Variants in DIAPH2 observed in about 807,000 individuals in gnomAD.
DIAPH2 encodes the protein protein diaphanous homolog 2.
A neutral mutation model predicts 92.7 loss-of-function variants in DIAPH2; 35 were observed. That is an observed-to-expected ratio of 0.38 (90% CI 0.29 to 0.50). The LOEUF (loss-of-function observed/expected upper bound fraction) is 0.50, where lower values mean the gene tolerates loss of function less well. Among genes scored for constraint, DIAPH2 ranks in the 20% least tolerant of loss-of-function variants. DIAPH2 has a pLI of 0.94. For missense variants in DIAPH2, 701 were observed against 819.5 expected (o/e 0.86, Z 1.77); for synonymous variants, 301 against 280.4 (o/e 1.07, Z -0.73).
chrX:97,170,815 T>G (rs2067446982), intron 22 of DIAPH2, among the ~76,000 whole-genome samples: 1 of 111,831 alleles, frequency 8.9e-6, no homozygotes, highest in African/African-American at 3.2e-5. Context: ...AAATTCATTT[T>G]CTAAACAAAA....
intron 19 of DIAPH2, among the ~76,000 whole-genome samples, chrX:97,083,152 T>C (rs2066759188): frequency 8.9e-6 from 1 of 112,169 alleles, no homozygotes. Flanking sequence ...TACCTAGTTA[T>C]TAAATCTTTT....
At chrX:97,003,911 T>C (rs2066161827) in intron 17 of DIAPH2, among the ~76,000 whole-genome samples, 1 of 111,990 alleles carries the variant, frequency 8.9e-6, no homozygotes, top group African/African-American at 3.2e-5. Context: ...TTCCCAATTT[T>C]TTCTTGTAGT....
chrX:96,687,798 T>C (rs146156984), intron 1 of DIAPH2, among the ~76,000 whole-genome samples: 1,469 of 111,833 alleles, frequency 0.013, 26 homozygotes, highest in African/African-American at 0.046. Context: ...TTTAATGGAA[T>C]TCACTTCAGT....
intron 26 of DIAPH2, among the ~76,000 whole-genome samples, chrX:97,534,528 A>G (rs372742397): frequency 9.0e-6 from 1 of 111,227 alleles, no homozygotes; most frequent in Admixed American, 9.6e-5. Context: ...TTATATATTT[A>G]GTGAACTGCA....
chrX:97,121,694 T>C (rs1423118949), intron 21 of DIAPH2, among the ~76,000 whole-genome samples: 1 of 112,266 alleles, frequency 8.9e-6, no homozygotes, highest in Non-Finnish European at 1.9e-5. Flanking sequence ...CAAAAATGTG[T>C]TGTTTGCTGT....
chrX:97,217,791 C>T (rs2067895058), intron 22 of DIAPH2, among the ~76,000 whole-genome samples: 1 of 110,106 alleles, frequency 9.1e-6, no homozygotes, highest in South Asian at 4.0e-4. Context: ...ACCAAAAATA[C>T]AAAAATTAGC....
At chrX:97,409,553 G>A (rs760949610) in intron 25 of DIAPH2, among the ~76,000 whole-genome samples, 9 of 111,626 alleles carry the variant, frequency 8.1e-5, no homozygotes, top group East Asian at 5.7e-4. Context: ...AGTGCGAGCC[G>A]AAGCAGGGCA....
Position 97,135,451 on chromosome X carries a change from G to A in DIAPH2, c.2590-6214G>A, listed in dbSNP as rs182833067. On this transcript the variant is annotated intron_variant, in intron 21 of 26. Transcript: ENST00000324765. ...TCAAACTCCTGACCTCAGGTGATCCGCCCCAACTCCTTGACCTCCCAAAGT... is the reference window on the plus strand; with the variant it reads ...TCAAACTCCTGACCTCAGGTGATCCACCCCAACTCCTTGACCTCCCAAAGT... Among the ~76,000 whole-genome samples, 198 of 110,915 alleles carry A rather than the reference G, an allele frequency of 1.8e-3. 1 individual carries two copies. The highest frequency in any genetic ancestry group is 6.0e-3 in the African/African-American group (182 of 30,530).
At chrX:96,878,501 C>T (rs764773777) in intron 4 of DIAPH2, among the ~76,000 whole-genome samples, 6 of 111,937 alleles carry the variant, frequency 5.4e-5, no homozygotes, top group African/African-American at 1.9e-4. Flanking sequence ...ATCTCAAAGT[C>T]CTTCTAAGCT....
chrX:97,235,758 TA>T (rs969485242), intron 22 of DIAPH2, among the ~76,000 whole-genome samples: 9 of 110,784 alleles, frequency 8.1e-5, no homozygotes, highest in Non-Finnish European at 1.5e-4. Flanking sequence ...AATTTTTTTT[TA>T]AAATCCATTA....
intron 22 of DIAPH2, among the ~76,000 whole-genome samples, chrX:97,178,502 G>T (rs1380744499): frequency 2.2e-5 from 2 of 90,202 alleles, no homozygotes; most frequent in East Asian, 3.4e-4. Flanking sequence ...GCCCAGGCTG[G>T]AGTGCAGTGG....
At chrX:97,348,942 A>G (rs927833114) in intron 24 of DIAPH2, among the ~76,000 whole-genome samples, 2 of 109,521 alleles carry the variant, frequency 1.8e-5, no homozygotes, top group South Asian at 7.9e-4. Context: ...TTGCAATAGT[A>G]ACAGAAAGAT....
chrX:97,364,387 T>C (rs2069358578), intron 24 of DIAPH2, among the ~76,000 whole-genome samples: 1 of 112,149 alleles, frequency 8.9e-6, no homozygotes, highest in African/African-American at 3.2e-5. Flanking sequence ...GGAGTTTCAT[T>C]GGCAGAGATG....
intron 4 of DIAPH2, among the ~76,000 whole-genome samples, chrX:96,864,116 C>G (rs1156593293): frequency 1.8e-5 from 2 of 110,973 alleles, no homozygotes; most frequent in African/African-American, 6.6e-5. Context: ...TAAAGCTTAC[C>G]TCTTTATTTC....
At chrX:96,846,019 C>T (rs889926839) in intron 4 of DIAPH2, among the ~76,000 whole-genome samples, 9 of 111,264 alleles carry the variant, frequency 8.1e-5, no homozygotes, top group African/African-American at 2.6e-4. Context: ...AGGCTGGTCT[C>T]GAACTCCTGA....
chrX:97,470,551 G>A (rs1225645716), intron 26 of DIAPH2, among the ~76,000 whole-genome samples: 1 of 110,642 alleles, frequency 9.0e-6, no homozygotes, highest in African/African-American at 3.3e-5. Context: ...AATCCTGTGA[G>A]TTGTGTACCT....
intron 22 of DIAPH2, among the ~76,000 whole-genome samples, chrX:97,187,789 CAG>C (rs2067620391): frequency 9.0e-6 from 1 of 111,487 alleles, no homozygotes; most frequent in Admixed American, 9.6e-5. Context: ...ATCATATAAA[CAG>C]AATGCTAATG....
At chrX:97,145,164 T>C (rs1399313962) in intron 22 of DIAPH2, among the ~76,000 whole-genome samples, 2 of 111,715 alleles carry the variant, frequency 1.8e-5, no homozygotes, top group Non-Finnish European at 3.8e-5. Flanking sequence ...ATCTGTAAAA[T>C]GAGAATAATA....
intron 23 of DIAPH2, among the ~76,000 whole-genome samples, chrX:97,337,686 A>G (rs1203610855): frequency 4.5e-5 from 5 of 110,366 alleles, no homozygotes; most frequent in African/African-American, 1.6e-4. Flanking sequence ...GTGTCAGAAT[A>G]ACGGAAAAGG....
Sources: allele counts gnomAD v4.1 joint callset (sites outside exome capture counted in the v4.1 genomes callset), GRCh38; gene constraint gnomAD v4.1.1; transcripts MANE v1.5; gene names NCBI Gene and HGNC (gene_info 2026-07-23, HGNC 2026-07-21).